Variants in DBNL observed in about 807,000 individuals in gnomAD.
DBNL encodes drebrin-like protein.
DBNL carries 35 observed loss-of-function variants against 62.2 expected under a neutral mutation model. The observed-to-expected ratio is 0.56, with a 90% confidence interval of 0.43 to 0.75. The LOEUF is 0.75. Among genes scored for constraint, DBNL ranks in the 30% least tolerant of loss-of-function variants. The pLI is 0.00. For synonymous variants in DBNL, 197 were observed against 218.0 expected, an observed-to-expected ratio of 0.90 and a Z score of 0.85; for missense variants, 495 against 578.4, an observed-to-expected ratio of 0.86 and a Z score of 1.48.
chr7:44,059,500 G>A lies in DBNL; in HGVS notation c.932-43G>A, dbSNP rs1346593628. 1 of 1,613,328 alleles carries A rather than the reference G, an allele frequency of 6.2e-7. No homozygotes were observed. The highest frequency in any genetic ancestry group is 8.5e-7 in the Non-Finnish European group (1 of 1,179,686). On this transcript the variant is annotated intron_variant, in intron 10 of 12. Transcript: ENST00000448521. This position sits in a 1 kb window ranked among gnomAD's most constrained non-coding sequence, Gnocchi z 4.1. ...ACCCTGGGGGACAGCAGTGGAGAAG[G>A]GGGATGTGTGGGAGTGAGAACCTGC... is the stretch of plus-strand genomic sequence containing the variant.
chr7:44,059,591 A>G lies in DBNL; in HGVS notation c.980A>G (p.Gln327Arg). Reference protein sequence around the residue: ...PAPSTPPCLVQAEEEAVYEEP... With the variant: ...PAPSTPPCLVRAEEEAVYEEP... Reference sequence around the variant, plus strand: ...CCCAGCACTCCTCCATGTCTGGTGCAGGCAGAAGAGGAGGCTGTGTATGAG... The same window carrying G: ...CCCAGCACTCCTCCATGTCTGGTGCGGGCAGAAGAGGAGGCTGTGTATGAG... Residue 327 changes from glutamine (Q) to arginine (R), a missense_variant, in exon 11 of 13, where the codon CAG becomes CGG. By Grantham distance (43) the Gln-to-Arg change is conservative. Coordinates refer to ENST00000448521, the MANE Select transcript of DBNL (RefSeq NM_001014436.3). This position sits in a 1 kb window ranked among gnomAD's most constrained non-coding sequence, Gnocchi z 4.1. 1 of 1,612,000 alleles carries G rather than the reference A, an allele frequency of 6.2e-7. No homozygotes were observed. The highest frequency in any genetic ancestry group is 8.5e-7 in the Non-Finnish European group (1 of 1,179,942).
intron 2 of DBNL, 36 bp from the exon 3 acceptor site, chr7:44,051,794 G>A: frequency 1.9e-6 from 3 of 1,608,294 alleles, no homozygotes; most frequent in Non-Finnish European, 2.6e-6. Flanking sequence ...GGGAATGTCA[G>A]GGCCACCCCT....
At chr7:44,048,270 G>T (rs2096120761) in intron 1 of DBNL, among the ~76,000 whole-genome samples, 1 of 152,226 alleles carries the variant, frequency 6.6e-6, no homozygotes, top group Non-Finnish European at 1.5e-5. Context: ...CCTGCTGCTT[G>T]TGCCAGCTTG....
rs1157910442 is a variant in DBNL, at chr7:44,068,618, A to C, written c.*7702A>C. 1 of 152,260 alleles carries C rather than the reference A, an allele frequency of 6.6e-6. No individual in the cohort carries two copies. The highest frequency in any genetic ancestry group is 1.5e-5 in the Non-Finnish European group (1 of 68,048). The allele number at this position is 152,260 out of a possible 1,614,324, so 9.4% of individuals were successfully genotyped here. On this transcript the variant is annotated 3_prime_UTR_variant, in exon 13 of 13. Transcript: ENST00000448521. ...TGGGAGAAAAGAAGATGATCAATAC[A>C]TGCCCATCCTGAGATGATTCAACTA...
Position 44,065,525 on chromosome 7 carries a change from G to A in DBNL, c.*4609G>A, listed in dbSNP as rs2096158357. ...CCGGACCATCACGAGGCGGTGAGTG[G>A]CCATGGTGGCAGCAGGGACCACAGA... On this transcript the variant is annotated 3_prime_UTR_variant, in exon 13 of 13. Coordinates refer to ENST00000448521, the MANE Select transcript of DBNL (RefSeq NM_001014436.3). The A allele has an allele frequency of 1.2e-6, 2 of 1,613,692 alleles. No individual in the cohort carries two copies. The highest frequency in any genetic ancestry group is 1.3e-5 in the African/African-American group (1 of 74,918).
Position 44,061,078 on chromosome 7 carries a change from C to T in DBNL, c.*162C>T. 1.1e-6 allele frequency: 1 copy of T among 902,106 alleles called. No individual in the cohort carries two copies. The highest frequency in any genetic ancestry group is 1.6e-6 in the Non-Finnish European group (1 of 613,550). 55.9% of individuals were successfully genotyped at this position (902,106 alleles called of 1,614,324 possible). A position where few individuals can be genotyped will look rare whatever the true frequency, so the allele number is the denominator to read the frequency against. ...GCTTGGCAGACTCAGCCTGTCACCC[C>T]AAATGCAGCAATGGCCTGGTGATTC... On this transcript the variant is annotated 3_prime_UTR_variant, in exon 13 of 13. Transcript: ENST00000448521.
intron 8 of DBNL, 28 bp from the exon 9 acceptor site, chr7:44,058,874 G>A: frequency 6.2e-7 from 1 of 1,613,906 alleles, no homozygotes. Flanking sequence ...TTTGCCCACT[G>A]CAGGGGTCAA....
chr7:44,060,826 C>T lies in DBNL; in HGVS notation c.1203C>T (p.Ile401=), dbSNP rs551130834. The change falls in exon 13 of 13, where the codon ATC becomes ATT. Residue 401 remains isoleucine, a synonymous_variant. Coordinates refer to ENST00000448521, the MANE Select transcript of DBNL (RefSeq NM_001014436.3). The surrounding 1 kb of genome is among the most constrained non-coding windows in gnomAD (Gnocchi z 6.3). Reference sequence around the variant, plus strand: ...ACCCCGAGAACCTCATCACGGGCATCGAGGTGATCGACGAAGGCTGGTGGC... The same window carrying T: ...ACCCCGAGAACCTCATCACGGGCATTGAGGTGATCGACGAAGGCTGGTGGC... ...SFDPENLITG[I]EVIDEGWWRG... 2.7e-5 allele frequency: 44 copies of T among 1,614,048 alleles called. No individual in the cohort carries two copies. The highest frequency in any genetic ancestry group is 2.2e-4 in the East Asian group (10 of 44,884).
intron 1 of DBNL, among the ~76,000 whole-genome samples, chr7:44,045,577 G>A (rs1040676417): frequency 2.0e-5 from 3 of 152,232 alleles, no homozygotes; most frequent in Non-Finnish European, 4.4e-5. Flanking sequence ...TGCTGAGTAT[G>A]GTGGGCTAAG....
chr7:44,064,793 G>GGGCCCCCCCCCCCCCCCCCCC lies in DBNL; in HGVS notation c.*3877_*3878insGGCCCCCCCCCCCCCCCCCCC. On this transcript the variant is annotated 3_prime_UTR_variant, in exon 13 of 13. Transcript: ENST00000448521. ...AGATGAGAAGCCAGCTGGGGCTGCT[G>GGGCCCCCCCCCCCCCCCCCCC]CCCACCCACCCTGCCCAGGCTCCTG... 3.5e-6 allele frequency: 4 copies of GGGCCCCCCCCCCCCCCCCCCC among 1,136,972 alleles called. No homozygotes were observed. Among genetic ancestry groups the GGGCCCCCCCCCCCCCCCCCCC allele is most frequent in the Non-Finnish European group, 2.6e-6 (2 of 773,396 alleles). 70.4% of individuals were successfully genotyped at this position (1,136,972 alleles called of 1,614,324 possible).
chr7:44,057,023 A>G, intron 5 of DBNL, 120 bp downstream of exon 5: 1 of 1,424,042 alleles, frequency 7.0e-7, no homozygotes, highest in Non-Finnish European at 9.6e-7. Context: ...GTTTCTGCAG[A>G]TGGTAACCCC....
chr7:44,065,629 C>G lies in DBNL; in HGVS notation c.*4713C>G. ...CTTCCCAGCCCCCACCCACCCCAGC[C>G]AACTGCCAATCAGCATTCCAGGCGG... is the stretch of plus-strand genomic sequence containing the variant. On this transcript the variant is annotated 3_prime_UTR_variant, in exon 13 of 13. Transcript: ENST00000448521. 1.7e-6 allele frequency: 2 copies of G among 1,182,062 alleles called. No homozygotes were observed. The highest frequency in any genetic ancestry group is 3.6e-5 in the Admixed American group (2 of 56,332). 73.2% of individuals were successfully genotyped at this position (1,182,062 alleles called of 1,614,324 possible).
rs1467743363 is a variant in DBNL, at chr7:44,061,757, C to G, written c.*841C>G. ...ACACAGGCTCGCAGCTCTCACCTGT[C>G]CTGCTGTAGCCTGAATGCTCCCATG... On this transcript the variant is annotated 3_prime_UTR_variant, in exon 13 of 13. Transcript: ENST00000448521. 6.6e-6 allele frequency: 1 copy of G among 152,306 alleles called. No individual in the cohort carries two copies. Among genetic ancestry groups the G allele is most frequent in the African/African-American group, 2.4e-5 (1 of 41,452 alleles). The allele number at this position is 152,306 out of a possible 1,614,324, so 9.4% of individuals were successfully genotyped here. A position where few individuals can be genotyped will look rare whatever the true frequency, so the allele number is the denominator to read the frequency against.
At chr7:44,053,309 C>T (rs1372660000) in intron 4 of DBNL, among the ~76,000 whole-genome samples, 15 of 152,334 alleles carry the variant, frequency 9.8e-5, no homozygotes, top group Middle Eastern at 3.4e-3. Flanking sequence ...CATCTTAGCA[C>T]GCATGTGCCC....
Position 44,060,086 on chromosome 7 carries a change from C to T in DBNL, c.1086C>T (p.His362=), listed in dbSNP as rs1212505172. Residue 362 remains histidine (H), a synonymous_variant, in exon 12 of 13, where the codon CAC becomes CAT. Transcript: ENST00000448521. The surrounding 1 kb of genome is among the most constrained non-coding windows in gnomAD (Gnocchi z 6.3). The part of the protein sequence containing the change: ...QQGAGSEHID[H]HIQGQGLSGQ... ...GTGCTGGCTCTGAGCACATTGACCA[C>T]CACATTCAGGGCCAGGGGCTCAGTG... 1 of 1,613,660 alleles carries T rather than the reference C, an allele frequency of 6.2e-7. No individual in the cohort carries two copies. Among genetic ancestry groups the T allele is most frequent in the African/African-American group, 1.3e-5 (1 of 74,916 alleles).
rs758308254 is a variant in DBNL at position 44,058,979 on chromosome 7, G to A, written c.831G>A (p.Gln277=). The A allele has an allele frequency of 8.1e-5, 130 of 1,613,866 alleles. No homozygotes were observed. Among genetic ancestry groups the A allele is most frequent in the Non-Finnish European group, 1.0e-4 (123 of 1,179,992 alleles). ...CCACCACCTCCATCTCCAGTCCTCA[G>A]CCTGGTGAGCTCTCCCTTTGGGCCT... The part of the protein sequence containing the change: ...AMSTTSISSP[Q]PGKLRSPFLQ... Residue 277 remains glutamine, a synonymous_variant, in exon 9 of 13, where the codon CAG becomes CAA. Coordinates refer to ENST00000448521, the MANE Select transcript of DBNL (RefSeq NM_001014436.3).
At chr7:44,053,312 A>G (rs1174343984) in intron 4 of DBNL, among the ~76,000 whole-genome samples, 2 of 152,226 alleles carry the variant, frequency 1.3e-5, no homozygotes, top group Non-Finnish European at 2.9e-5. Flanking sequence ...CTTAGCACGC[A>G]TGTGCCCTTT....
chr7:44,058,589 C>T lies in DBNL; in HGVS notation c.753+109C>T, dbSNP rs1364131624. On this transcript the variant is annotated intron_variant, in intron 8 of 12. Transcript: ENST00000448521. The stretch of plus-strand genomic sequence containing the variant: ...ACCTGGGCAGAGGCTGCCCTGCAGT[C>T]AGCTGGGGCAGGTTGGAATCTGGGC... 9 of 1,421,536 alleles carry T rather than the reference C, an allele frequency of 6.3e-6. No individual in the cohort carries two copies. In the African/African-American group the frequency reaches 1.1e-4, roughly 18 times the overall value. 88.1% of individuals were successfully genotyped at this position (1,421,536 alleles called of 1,614,324 possible). A position where few individuals can be genotyped will look rare whatever the true frequency, so the allele number is the denominator to read the frequency against.
rs1270912167 is a variant in DBNL, at chr7:44,058,546, A to T, written c.753+66A>T. ...CACACGCAGAAGTCCCTGATCTCGG[A>T]TTGAGGGCCCAGCCCAGACCTGGGC... On this transcript the variant is annotated intron_variant, in intron 8 of 12. Transcript: ENST00000448521. 2.5e-6 allele frequency: 4 copies of T among 1,586,604 alleles called. No homozygotes were observed. The African/African-American group carries it at 5.4e-5, about 21-fold the overall frequency.
Sources: allele counts gnomAD v4.1 joint callset (sites outside exome capture counted in the v4.1 genomes callset), GRCh38; gene constraint gnomAD v4.1.1; non-coding constraint Gnocchi (gnomAD v3.1); transcripts MANE v1.5; gene names NCBI Gene and HGNC (gene_info 2026-07-23, HGNC 2026-07-21).